Variants in PFKFB3 observed in about 807,000 individuals in gnomAD.
PFKFB3 encodes 6-phosphofructo-2-kinase/fructose-2,6-bisphosphatase 3.
PFKFB3 carries 33 observed loss-of-function variants against 68.0 expected under a neutral mutation model. The ratio of observed to expected loss-of-function variants is 0.49; its 90% CI spans 0.37 to 0.65. The LOEUF is 0.65. Ranked by LOEUF, PFKFB3 falls within the 30% of genes least tolerant of loss-of-function variation. The pLI is 0.00. For synonymous variants in PFKFB3, 315 were observed against 288.2 expected, an observed-to-expected ratio of 1.09 and a Z score of -0.94; for missense variants, 586 against 712.2, an observed-to-expected ratio of 0.82 and a Z score of 2.02.
intron 14 of PFKFB3, among the ~76,000 whole-genome samples, chr10:6,243,043 G>A (rs1415589866): frequency 6.6e-6 from 1 of 152,144 alleles, no homozygotes; most frequent in African/African-American, 2.4e-5. Context: ...TTATATGCAA[G>A]CCACTGTTCT....
the PFKFB3 span, among the ~76,000 whole-genome samples, chr10:6,272,719 C>CT: frequency 1.3e-5 from 2 of 151,950 alleles, no homozygotes; most frequent in Non-Finnish European, 2.9e-5. Flanking sequence ...AGAAATAGGT[C>CT]GACCTGGGCC....
the PFKFB3 span, among the ~76,000 whole-genome samples, chr10:6,262,313 G>GCA: frequency 2.0e-5 from 3 of 151,466 alleles, no homozygotes; most frequent in African/African-American, 4.8e-5. Context: ...AATTAGCCGG[G>GCA]TGGGGTGGGG....
chr10:6,247,518 C>T (rs1846284940), intron 14 of PFKFB3, among the ~76,000 whole-genome samples: 1 of 152,240 alleles, frequency 6.6e-6, no homozygotes, highest in Non-Finnish European at 1.5e-5. Context: ...TACATCCAAT[C>T]GGTTCAAGAG....
At chr10:6,225,275 G>A (rs986031942) in intron 13 of PFKFB3, 4 of 450,194 alleles carry the variant, frequency 8.9e-6, no homozygotes. Flanking sequence ...AGGAAGCTTG[G>A]CCTTCGGATT....
chr10:6,296,366 G>A, the PFKFB3 span, among the ~76,000 whole-genome samples: 9 of 152,056 alleles, frequency 5.9e-5, no homozygotes, highest in South Asian at 2.1e-4. Flanking sequence ...GAATGTTACC[G>A]GAAAGGGGTC....
intron 1 of PFKFB3, among the ~76,000 whole-genome samples, chr10:6,145,782 G>T (rs531182549): frequency 1.3e-5 from 2 of 152,282 alleles, no homozygotes; most frequent in Admixed American, 1.3e-4. Context: ...GGCCCCTCCT[G>T]CAGGGGCTGC....
chr10:6,184,346 C>T (rs1250248852), intron 1 of PFKFB3, among the ~76,000 whole-genome samples: 1 of 152,164 alleles, frequency 6.6e-6, no homozygotes, highest in Non-Finnish European at 1.5e-5. Flanking sequence ...AGCTACCACA[C>T]CCAGCCTGGA....
chr10:6,205,024 A>G (rs961580255), intron 1 of PFKFB3, among the ~76,000 whole-genome samples: 2 of 152,200 alleles, frequency 1.3e-5, no homozygotes, highest in East Asian at 1.9e-4. Flanking sequence ...ATTAGACCCC[A>G]TCAACCTGCA....
intron 5 of PFKFB3, 135 bp downstream of exon 5, chr10:6,216,915 G>A (rs570243649): frequency 6.9e-5 from 56 of 809,616 alleles, no homozygotes; most frequent in African/African-American, 6.0e-4. Flanking sequence ...CTCCCCTCCT[G>A]CTGCCCACGT....
At chr10:6,196,242 C>T (rs899507473) in intron 1 of PFKFB3, among the ~76,000 whole-genome samples, 1 of 151,970 alleles carries the variant, frequency 6.6e-6, no homozygotes, top group African/African-American at 2.4e-5. Flanking sequence ...GCGATTCTTC[C>T]ACCTCAGCCT....
chr10:6,182,735 A>G (rs1390454405), intron 1 of PFKFB3, among the ~76,000 whole-genome samples: 1 of 152,198 alleles, frequency 6.6e-6, no homozygotes, highest in African/African-American at 2.4e-5. Context: ...GGGGAGCTGG[A>G]GGAGCGGGCA....
At chr10:6,252,219 CCAACT>C (rs1306950202) in intron 14 of PFKFB3, among the ~76,000 whole-genome samples, 1 of 152,172 alleles carries the variant, frequency 6.6e-6, no homozygotes, top group African/African-American at 2.4e-5. Flanking sequence ...ACTGCTACAT[CCAACT>C]CTATTTTATC....
intron 1 of PFKFB3, among the ~76,000 whole-genome samples, chr10:6,148,012 T>C (rs17151090): frequency 0.093 from 14,198 of 152,262 alleles, 847 homozygotes; most frequent in African/African-American, 0.17. Context: ...AATGTAGTTA[T>C]GGGAAAGATG....
intron 7 of PFKFB3, 50 bp downstream of exon 7, chr10:6,219,743 CT>C (rs752727737): frequency 1.3e-6 from 2 of 1,584,638 alleles, no homozygotes; most frequent in East Asian, 4.5e-5. Context: ...AGGGTTCTTA[CT>C]GAATTCTTGA....
exon 15 of PFKFB3, chr10:6,254,302 C>G (rs754961263): frequency 1.3e-5 from 5 of 398,432 alleles, no homozygotes; most frequent in Non-Finnish European, 1.8e-5. Context: ...GGGGCTGCAC[C>G]AAGCATCCCG....
At chr10:6,188,582 G>C (rs553060639) in intron 1 of PFKFB3, among the ~76,000 whole-genome samples, 2 of 151,694 alleles carry the variant, frequency 1.3e-5, no homozygotes, top group Non-Finnish European at 2.9e-5. Flanking sequence ...TTGTGCAATA[G>C]ATCTCTAGAA....
At chr10:6,199,658 A>ATTTTTTTTTTTTTTTTTT (rs143309528), upstream of PFKFB3, among the ~76,000 whole-genome samples, 10 of 75,596 alleles carry the variant, frequency 1.3e-4, no homozygotes, top group African/African-American at 4.0e-4. Context: ...CTATTTTTAA[A>ATTTTTTTTTTTTTTTTTT]TTTTTTTTTT....
intron 1 of PFKFB3, among the ~76,000 whole-genome samples, chr10:6,161,012 T>G (rs1564589463): frequency 2.0e-5 from 3 of 152,164 alleles, no homozygotes; most frequent in African/African-American, 7.2e-5. Flanking sequence ...CTTGGCTCAC[T>G]GCAACCTCCG....
the PFKFB3 span, among the ~76,000 whole-genome samples, chr10:6,320,597 A>C: frequency 6.6e-6 from 1 of 151,672 alleles, no homozygotes; most frequent in East Asian, 1.9e-4. Flanking sequence ...TAATTTTTAC[A>C]TTTTTTCAGT....
Sources: allele counts gnomAD v4.1 joint callset (sites outside exome capture counted in the v4.1 genomes callset), GRCh38; gene constraint gnomAD v4.1.1; transcripts MANE v1.5; gene names NCBI Gene and HGNC (gene_info 2026-07-23, HGNC 2026-07-21).